The following ZNF516 variants were observed in gnomAD, a reference collection of about 807,000 sequenced individuals.
ZNF516 encodes the protein zinc finger protein 516.
A neutral mutation model predicts 79.7 loss-of-function variants in ZNF516; 19 were observed. The observed-to-expected ratio is 0.24, with a 90% CI of 0.17 to 0.35. The LOEUF (loss-of-function observed/expected upper bound fraction) is 0.35, where lower values mean the gene tolerates loss of function less well. ZNF516 is among the 10% of genes least tolerant of loss of function. The pLI is 1.00. For missense variants in ZNF516, 1,678 were observed against 1,679.5 expected, an observed-to-expected ratio of 1.00 and a Z score of 0.02; for synonymous variants, 877 against 739.5, an observed-to-expected ratio of 1.19 and a Z score of -3.02.
intron 2 of ZNF516, among the ~76,000 whole-genome samples, chr18:76,460,025 C>T (rs1913001268): frequency 6.6e-6 from 1 of 152,224 alleles, no homozygotes; most frequent in Non-Finnish European, 1.5e-5. Context: ...CTTCCACTAA[C>T]AAATGGGAAG....
chr18:76,398,431 G>C (rs115765428), intron 3 of ZNF516, among the ~76,000 whole-genome samples: 2 of 152,108 alleles, frequency 1.3e-5, no homozygotes, highest in Non-Finnish European at 2.9e-5. Flanking sequence ...CTTGTATGAC[G>C]CAGCTGTCTG....
chr18:76,401,558 G>C (rs1476113971), intron 3 of ZNF516, among the ~76,000 whole-genome samples: 1 of 151,978 alleles, frequency 6.6e-6, no homozygotes, highest in Non-Finnish European at 1.5e-5. Flanking sequence ...CTCCGCCCAC[G>C]GGCTTCTCCG....
chr18:76,363,911 G>A (rs1275672790), intron 6 of ZNF516, among the ~76,000 whole-genome samples: 1 of 152,184 alleles, frequency 6.6e-6, no homozygotes, highest in Admixed American at 6.5e-5. Context: ...GGCGGGCAGG[G>A]GATGCCTGTG....
intron 3 of ZNF516, among the ~76,000 whole-genome samples, chr18:76,415,602 G>A (rs1047517365): frequency 6.6e-6 from 1 of 152,146 alleles, no homozygotes; most frequent in African/African-American, 2.4e-5. Context: ...CGGCTGCAGT[G>A]GAGGAGTCGG....
intron 3 of ZNF516, among the ~76,000 whole-genome samples, chr18:76,404,995 AC>A (rs2075285569): frequency 6.6e-6 from 1 of 152,092 alleles, no homozygotes; most frequent in Non-Finnish European, 1.5e-5. Context: ...ACATGCAGCA[AC>A]CCAGGTATAA....
At position 76,482,192 on chromosome 18, in the gene ZNF516, T is replaced by C. The variant is rs150907218; in HGVS notation, c.-272+12952A>G. Among the ~76,000 whole-genome samples the C allele has an allele frequency of 1.2e-3, 189 of 152,312 alleles. 3 individuals are homozygous for C. The East Asian group carries it at 0.033, about 27-fold the overall frequency. On this transcript the variant is annotated intron_variant, in intron 1 of 6. Transcript: ENST00000443185. ...TCAACGGCCATGTTTTGCTTTTTGT[T>C]TTAGGTGCCAGAAAGCTCACATCCT...
At position 76,441,623 on chromosome 18, in the gene ZNF516, G is replaced by A; in HGVS notation, c.1432C>T (p.Arg478Trp). 6.6e-7 allele frequency: 1 copy of A among 1,511,864 alleles called. No individual in the cohort carries two copies. Among genetic ancestry groups the A allele is most frequent in the Non-Finnish European group, 8.8e-7 (1 of 1,130,520 alleles). 93.7% of individuals were successfully genotyped at this position (1,511,864 alleles called of 1,614,324 possible). The stretch of plus-strand genomic sequence containing the variant: ...TCCCCAGGCCCGCTCGCGCGCTTCC[G>A]CGGGGGCCCCTGCGCGGCTGGTGCA... Reference protein sequence around the residue: ...QDAPAAQGPPRKRASGPGDPA... With the variant: ...QDAPAAQGPPWKRASGPGDPA... The change falls in exon 3 of 7, where the codon CGG becomes TGG. Residue 478 changes from arginine (R) to tryptophan (W), a missense_variant. By Grantham distance (101) the Arg-to-Trp change is moderately radical. Coordinates refer to ENST00000443185, the MANE Select transcript of ZNF516 (RefSeq NM_014643.4).
Position 76,467,344 on chromosome 18 carries a change from C to T in ZNF516, c.-271-4203G>A, listed in dbSNP as rs535635958. Reference sequence around the variant, plus strand: ...CCCTCTGGGTTGGCAGGAAGTCCTGCGTGTCTCTCGGAACCTGCAGCTCAC... The same window carrying T: ...CCCTCTGGGTTGGCAGGAAGTCCTGTGTGTCTCTCGGAACCTGCAGCTCAC... On this transcript the variant is annotated intron_variant, in intron 1 of 6. Transcript: ENST00000443185. This position sits in a 1 kb window ranked among gnomAD's most constrained non-coding sequence, Gnocchi z 4.2. 3.5e-5 allele frequency among the ~76,000 whole-genome samples: 5 copies of T among 143,128 alleles called. 1 individual carries two copies. The East Asian group carries it at 6.4e-4, about 18-fold the overall frequency. 93.9% of individuals were successfully genotyped at this position (143,128 alleles called of 152,430 possible). A position where few individuals can be genotyped will look rare whatever the true frequency, so the allele number is the denominator to read the frequency against.
chr18:76,372,425 T>C (rs1017213793), intron 4 of ZNF516, among the ~76,000 whole-genome samples: 2 of 151,816 alleles, frequency 1.3e-5, no homozygotes, highest in African/African-American at 4.8e-5. Context: ...CTCAACTCAG[T>C]AGGAAAAACA....
At position 76,360,035 on chromosome 18, in the gene ZNF516, A is replaced by C. The variant is rs2144839859; in HGVS notation, c.*2463T>G. 1 of 152,042 alleles carries C rather than the reference A, an allele frequency of 6.6e-6. No individual in the cohort carries two copies. Among genetic ancestry groups the C allele is most frequent in the East Asian group, 1.9e-4 (1 of 5,146 alleles). 9.4% of individuals were successfully genotyped at this position (152,042 alleles called of 1,614,324 possible). The stretch of plus-strand genomic sequence containing the variant: ...CCCCAGTCTGTTTAACTGGGTGAAA[A>C]CCTTCCTCCTGCACTCTGTGCACCC... On this transcript the variant is annotated 3_prime_UTR_variant, in exon 7 of 7. Coordinates refer to ENST00000443185, the MANE Select transcript of ZNF516 (RefSeq NM_014643.4).
At chr18:76,365,458 G>GT (rs2074599662) in intron 6 of ZNF516, among the ~76,000 whole-genome samples, 1 of 152,160 alleles carries the variant, frequency 6.6e-6, no homozygotes, top group South Asian at 2.1e-4. Context: ...AAACTTCCTA[G>GT]TTTTTCCTCT....
At chr18:76,367,438 G>C (rs2074631086) in intron 6 of ZNF516, among the ~76,000 whole-genome samples, 1 of 152,168 alleles carries the variant, frequency 6.6e-6, no homozygotes, top group Non-Finnish European at 1.5e-5. Flanking sequence ...TCTATCCCCT[G>C]TGGGAAGAAA....
At chr18:76,382,517 G>A (rs1400361693) in intron 3 of ZNF516, among the ~76,000 whole-genome samples, 2 of 152,158 alleles carry the variant, frequency 1.3e-5, no homozygotes. Context: ...GGTTTTCAAA[G>A]CACGACTGTC....
At chr18:76,378,703 C>A (rs1408972692) in intron 4 of ZNF516, among the ~76,000 whole-genome samples, 152 bp downstream of exon 4, 1 of 152,224 alleles carries the variant, frequency 6.6e-6, no homozygotes, top group Non-Finnish European at 1.5e-5. Flanking sequence ...TCGGCCAGGG[C>A]AAGGGAGCAG....
At chr18:76,496,223 A>T, upstream of ZNF516, 8 of 1,237,752 alleles carry the variant, frequency 6.5e-6, no homozygotes, top group Non-Finnish European at 8.3e-6. Flanking sequence ...ACGGCCGGTG[A>T]CGTAGACCCG....
intron 3 of ZNF516, among the ~76,000 whole-genome samples, chr18:76,385,075 G>A (rs138029616): frequency 2.0e-5 from 3 of 152,318 alleles, no homozygotes; most frequent in South Asian, 2.1e-4. Flanking sequence ...AGCCGGGTCC[G>A]AGCAGCCCTA....
chr18:76,411,123 C>A (rs12954347), intron 3 of ZNF516, among the ~76,000 whole-genome samples: 3,143 of 152,320 alleles, frequency 0.021, 48 homozygotes, highest in Middle Eastern at 0.044. Flanking sequence ...GACTGTCTAA[C>A]AGGTCCTCCT....
At chr18:76,399,971 A>C (rs1045262758) in intron 3 of ZNF516, among the ~76,000 whole-genome samples, 1 of 152,180 alleles carries the variant, frequency 6.6e-6, no homozygotes, top group Non-Finnish European at 1.5e-5. Context: ...GGGTGGTTTC[A>C]AGGGTAAGGA....
chr18:76,405,635 C>T (rs2145256075), intron 3 of ZNF516, among the ~76,000 whole-genome samples: 1 of 152,092 alleles, frequency 6.6e-6, no homozygotes, highest in Non-Finnish European at 1.5e-5. Context: ...GCTTGCGGTT[C>T]ATTTAAGCAC....
Sources: gnomAD v4.1 joint callset for allele counts (sites outside exome capture counted in the v4.1 genomes callset) on GRCh38, gnomAD v4.1.1 for gene constraint, Gnocchi (gnomAD v3.1) non-coding constraint, MANE v1.5 for transcripts, NCBI Gene and HGNC (gene_info 2026-07-23, HGNC 2026-07-21) for gene names.